Variants in CDC42BPA observed in about 807,000 individuals in gnomAD.
CDC42BPA encodes the protein CDC42 binding protein kinase alpha, also known as serine/threonine-protein kinase MRCK alpha.
Under a neutral mutation model 223.5 loss-of-function variants are expected in CDC42BPA, and 80 were observed. The ratio of observed to expected loss-of-function variants is 0.36; its 90% CI spans 0.30 to 0.43. The LOEUF is 0.43. CDC42BPA is among the 20% of genes least tolerant of loss of function. The pLI is 1.00. For synonymous variants in CDC42BPA, 694 were observed against 718.6 expected (o/e 0.97, Z 0.55); for missense variants, 1,743 against 2,099.9 (o/e 0.83, Z 3.32).
chr1:227,127,206 T>C (rs983192345), intron 11 of CDC42BPA, among the ~76,000 whole-genome samples: 5 of 152,310 alleles, frequency 3.3e-5, no homozygotes, highest in East Asian at 1.9e-4. Context: ...TATTATTCTA[T>C]ATATACTGGG....
chr1:227,193,219 G>A lies in CDC42BPA; in HGVS notation c.599+567C>T, dbSNP rs554495939. ...CGAGTAGCTGGGACTACAGGTGCCC[G>A]CCACCACGCCCGGCTAATTTTTTTT... On this transcript the variant is annotated intron_variant, in intron 5 of 36. Transcript: ENST00000366766. Among the ~76,000 whole-genome samples the A allele has an allele frequency of 8.9e-5, 12 of 134,746 alleles. No individual in the cohort carries two copies. The East Asian group carries it at 1.3e-3, about 14-fold the overall frequency. The allele number at this position is 134,746 out of a possible 152,430, so 88.4% of individuals were successfully genotyped here.
At chr1:227,190,775 A>G (rs1669575517) in intron 5 of CDC42BPA, among the ~76,000 whole-genome samples, 1 of 152,190 alleles carries the variant, frequency 6.6e-6, no homozygotes, top group Non-Finnish European at 1.5e-5. Flanking sequence ...AGAAAATGAG[A>G]ATAACATTTT....
intron 1 of CDC42BPA, among the ~76,000 whole-genome samples, chr1:227,256,946 C>G (rs1213448187): frequency 1.1e-5 from 1 of 90,076 alleles, no homozygotes; most frequent in Non-Finnish European, 2.2e-5. Context: ...TATATATATA[C>G]AGACACACAC....
intron 21 of CDC42BPA, among the ~76,000 whole-genome samples, chr1:227,060,942 G>A (rs911562490): frequency 6.6e-5 from 10 of 151,696 alleles, no homozygotes; most frequent in Admixed American, 2.0e-4. Flanking sequence ...GGCTGGTCTC[G>A]AACTCCTGAC....
chr1:227,126,392 T>G (rs1428409889), intron 11 of CDC42BPA, among the ~76,000 whole-genome samples: 2 of 151,958 alleles, frequency 1.3e-5, no homozygotes, highest in Non-Finnish European at 2.9e-5. Context: ...GGTACTCTTT[T>G]GTTCAGGCCT....
rs371877691 is a variant in CDC42BPA at position 227,157,814 on chromosome 1, C to A, written c.693+2729G>T. Reference sequence around the variant, plus strand: ...TCTCCTATCTCTAGTCCACTTTTAACCTCATCCAGTGAATTTTAAATTTCA... The same window carrying A: ...TCTCCTATCTCTAGTCCACTTTTAAACTCATCCAGTGAATTTTAAATTTCA... On this transcript the variant is annotated intron_variant, in intron 6 of 36. Coordinates refer to ENST00000366766, the MANE Select transcript of CDC42BPA (RefSeq NM_001394014.1). 3.9e-5 allele frequency among the ~76,000 whole-genome samples: 6 copies of A among 152,210 alleles called. No individual in the cohort carries two copies. In the East Asian group the frequency reaches 1.2e-3, roughly 29 times the overall value.
chr1:227,169,115 C>T (rs1665662179), intron 5 of CDC42BPA, among the ~76,000 whole-genome samples: 1 of 151,990 alleles, frequency 6.6e-6, no homozygotes, highest in Non-Finnish European at 1.5e-5. Context: ...TCTAGAATTT[C>T]CATTTGATTT....
chr1:227,046,112 T>C lies in CDC42BPA; in HGVS notation c.3093+1815A>G, dbSNP rs374581184. On this transcript the variant is annotated intron_variant, in intron 23 of 36. Coordinates refer to ENST00000366766, the MANE Select transcript of CDC42BPA (RefSeq NM_001394014.1). ...TGAGCCACCACGTATCCCTGATCTT[T>C]TTCCTTTGTTAGATAATTTTGAAAT... Among the ~76,000 whole-genome samples, 11 of 150,840 alleles carry C rather than the reference T, an allele frequency of 7.3e-5. No individual in the cohort carries two copies. In the East Asian group the frequency reaches 1.3e-3, roughly 19 times the overall value.
intron 1 of CDC42BPA, among the ~76,000 whole-genome samples, chr1:227,282,736 CAAAAA>C (rs999876548): frequency 1.3e-5 from 2 of 151,940 alleles, no homozygotes; most frequent in Admixed American, 1.3e-4. Context: ...ATAAGCTAGT[CAAAAA>C]AGGACAAATA....
chr1:227,130,114 G>T (rs770710465), intron 10 of CDC42BPA, among the ~76,000 whole-genome samples: 8 of 152,018 alleles, frequency 5.3e-5, no homozygotes, highest in Non-Finnish European at 1.0e-4. Context: ...CAAAAGACAT[G>T]GAACAAAGAA....
At chr1:227,276,264 G>A (rs1056894409) in intron 1 of CDC42BPA, among the ~76,000 whole-genome samples, 1 of 151,076 alleles carries the variant, frequency 6.6e-6, no homozygotes, top group African/African-American at 2.4e-5. Context: ...ACCCCGTCTG[G>A]GATCTGAGGA....
intron 35 of CDC42BPA, chr1:227,004,030 T>C (rs1417010663): frequency 1.3e-5 from 2 of 150,500 alleles, no homozygotes; most frequent in Admixed American, 6.7e-5. Flanking sequence ...TTCCTGGCCT[T>C]CTTTCAGTGA....
intron 1 of CDC42BPA, among the ~76,000 whole-genome samples, chr1:227,288,795 G>T (rs1689216317): frequency 6.6e-6 from 1 of 151,862 alleles, no homozygotes; most frequent in South Asian, 2.1e-4. Context: ...AGGAGTTCGA[G>T]ACCAGCCTGG....
chr1:227,115,766 TAA>T (rs1687676722), intron 12 of CDC42BPA, among the ~76,000 whole-genome samples: 1 of 151,890 alleles, frequency 6.6e-6, no homozygotes, highest in African/African-American at 2.4e-5. Flanking sequence ...TTGAAAATTT[TAA>T]AAGATACTTA....
At chr1:227,019,368 G>GT (rs541710705) in intron 32 of CDC42BPA, among the ~76,000 whole-genome samples, 160 of 152,192 alleles carry the variant, frequency 1.1e-3, no homozygotes, top group African/African-American at 3.6e-3. Flanking sequence ...CACCACATCT[G>GT]TAGTTATTTC....
chr1:227,075,416 G>A (rs1679258016), intron 17 of CDC42BPA, among the ~76,000 whole-genome samples: 1 of 152,102 alleles, frequency 6.6e-6, no homozygotes, highest in South Asian at 2.1e-4. Flanking sequence ...ATCTTAAAGA[G>A]GCCCTTTAAA....
chr1:227,131,465 A>T (rs1283853318), intron 10 of CDC42BPA, among the ~76,000 whole-genome samples: 1 of 152,220 alleles, frequency 6.6e-6, no homozygotes, highest in Admixed American at 6.5e-5. Context: ...TGAAAGATGT[A>T]TGAAACTAAA....
intron 4 of CDC42BPA, among the ~76,000 whole-genome samples, chr1:227,196,865 G>A (rs1321574609): frequency 2.0e-5 from 3 of 152,006 alleles, no homozygotes; most frequent in Admixed American, 6.6e-5. Context: ...AGTACAGAAC[G>A]AACAAATTTC....
At chr1:227,207,439 T>G (rs530109240) in intron 3 of CDC42BPA, among the ~76,000 whole-genome samples, 1 of 149,834 alleles carries the variant, frequency 6.7e-6, no homozygotes, top group African/African-American at 2.5e-5. Context: ...TATGTATACA[T>G]GTGCCATGCT....
Sources: allele counts gnomAD v4.1 joint callset (sites outside exome capture counted in the v4.1 genomes callset), GRCh38; gene constraint gnomAD v4.1.1; transcripts MANE v1.5; gene names NCBI Gene and HGNC (gene_info 2026-07-23, HGNC 2026-07-21).